The following COL4A3 variants were observed in gnomAD, a reference collection of about 807,000 sequenced individuals.
COL4A3 encodes collagen alpha-3(IV) chain.
A neutral mutation model predicts 217.4 loss-of-function variants in COL4A3; 135 were observed. The observed-to-expected ratio is 0.62, with a 90% CI of 0.54 to 0.72. The LOEUF is 0.72. Ranked by LOEUF, COL4A3 falls within the 30% of genes least tolerant of loss-of-function variation. COL4A3 has a pLI of 0.00. For synonymous variants in COL4A3, 690 were observed against 736.3 expected, an observed-to-expected ratio of 0.94 and a Z score of 1.02; for missense variants, 1,868 against 2,119.9, an observed-to-expected ratio of 0.88 and a Z score of 2.33.
At chr2:227,309,563 A>G (rs2073660305) in intron 50 of COL4A3, among the ~76,000 whole-genome samples, 1 of 152,102 alleles carries the variant, frequency 6.6e-6, no homozygotes, top group African/African-American at 2.4e-5. Context: ...TTAGGTGAAT[A>G]GTAGCTGCGT....
Position 227,237,964 on chromosome 2 carries a change from C to CT in COL4A3, c.88-3dup. The CT allele has an allele frequency of 5.6e-6, 9 of 1,608,062 alleles. No individual in the cohort carries two copies. Among genetic ancestry groups the CT allele is most frequent in the Non-Finnish European group, 7.7e-6 (9 of 1,174,806 alleles). On this transcript the variant is annotated splice_polypyrimidine_tract_variant and splice_region_variant and intron_variant, in intron 1 of 51. Coordinates refer to ENST00000396578, the MANE Select transcript of COL4A3 (RefSeq NM_000091.5). The stretch of plus-strand genomic sequence containing the variant: ...CAAAACCCTTTCTCTTTCCCTCTTC[C>CT]TAGGGTTGTGTCTGTAAAGACAAAG...
chr2:227,213,641 C>T (rs555102374), intron 1 of COL4A3, among the ~76,000 whole-genome samples: 33 of 152,090 alleles, frequency 2.2e-4, no homozygotes, highest in Non-Finnish European at 8.8e-5. Context: ...CGGTGGCTTA[C>T]GCCTGTAGTC....
intron 23 of COL4A3, among the ~76,000 whole-genome samples, chr2:227,269,073 A>C (rs1320910115): frequency 6.6e-6 from 1 of 152,202 alleles, no homozygotes; most frequent in African/African-American, 2.4e-5. Flanking sequence ...CTGAATAAAT[A>C]TGTGTTGATT....
intron 37 of COL4A3, among the ~76,000 whole-genome samples, 180 bp from the exon 38 acceptor site, chr2:227,293,011 A>C (rs2072840118): frequency 1.3e-5 from 2 of 152,200 alleles, no homozygotes; most frequent in South Asian, 4.1e-4. Context: ...TTCATTTTGC[A>C]CTGGGCCCCA....
At chr2:227,205,403 TACAA>T (rs2067063311) in intron 1 of COL4A3, among the ~76,000 whole-genome samples, 1 of 152,160 alleles carries the variant, frequency 6.6e-6, no homozygotes, top group Non-Finnish European at 1.5e-5. Context: ...CTCTGCAAGG[TACAA>T]ACATTGTGAT....
intron 1 of COL4A3, among the ~76,000 whole-genome samples, chr2:227,223,698 C>A (rs1018306172): frequency 5.9e-5 from 9 of 152,218 alleles, no homozygotes; most frequent in African/African-American, 2.2e-4. Flanking sequence ...CATGCCACTG[C>A]ACGCCAACCT....
At chr2:227,237,456 A>G (rs6746775) in intron 1 of COL4A3, among the ~76,000 whole-genome samples, 33,703 of 152,184 alleles carry the variant, frequency 0.22, 4,639 homozygotes, top group Non-Finnish European at 0.31. Context: ...AACCAAATAC[A>G]TTGTGTTCTA....
intron 1 of COL4A3, among the ~76,000 whole-genome samples, chr2:227,170,204 C>T (rs1325709293): frequency 6.6e-6 from 1 of 150,752 alleles, no homozygotes. Flanking sequence ...ATTGAATTTT[C>T]TTATTTAACA....
At chr2:227,210,167 G>C (rs1169413364) in intron 1 of COL4A3, among the ~76,000 whole-genome samples, 1 of 152,218 alleles carries the variant, frequency 6.6e-6, no homozygotes. Flanking sequence ...GTTAAATATT[G>C]TTGCAGAAAC....
In COL4A3 at chr2:227,270,862, G is replaced by A. The variant is rs766050133; in HGVS notation, c.1668G>A (p.Pro556=). The A allele has an allele frequency of 4.6e-5, 74 of 1,613,986 alleles. No individual in the cohort carries two copies. The highest frequency in any genetic ancestry group is 5.8e-5 in the Non-Finnish European group (69 of 1,180,002). The stretch of plus-strand genomic sequence containing the variant: ...GGCAAGTGGGTGTCCCAGGTGACCC[G>A]GGGCTCAGAGGCCAACCTGGGAGAA... ...PEGQVGVPGD[P]GLRGQPGRKG... is the part of the protein sequence containing the mutation. The change falls in exon 25 of 52, where the codon CCG becomes CCA. Residue 556 remains proline, a synonymous_variant. Coordinates refer to ENST00000396578, the MANE Select transcript of COL4A3 (RefSeq NM_000091.5).
chr2:227,274,812 G>A (rs1200806366), intron 26 of COL4A3, among the ~76,000 whole-genome samples: 1 of 152,096 alleles, frequency 6.6e-6, no homozygotes, highest in Admixed American at 6.6e-5. Context: ...GGAGGCTGCT[G>A]TTCTAATCCA....
chr2:227,234,450 A>G lies in COL4A3; in HGVS notation c.88-3518A>G, dbSNP rs563239707. On this transcript the variant is annotated intron_variant, in intron 1 of 51. Coordinates refer to ENST00000396578, the MANE Select transcript of COL4A3 (RefSeq NM_000091.5). ...TTTTGATCATAGTTGTTCATAATTCATACATACAGAAAATATCTGCATCAT... is the reference window on the plus strand; with the variant it reads ...TTTTGATCATAGTTGTTCATAATTCGTACATACAGAAAATATCTGCATCAT... 2.0e-5 allele frequency among the ~76,000 whole-genome samples: 3 copies of G among 152,388 alleles called. No individual in the cohort carries two copies. The East Asian group carries it at 5.8e-4, about 29-fold the overall frequency.
rs761971869 is a variant in COL4A3, at chr2:227,295,016, A to C, written c.3471A>C (p.Gln1157His). 2 of 1,613,582 alleles carry C rather than the reference A, an allele frequency of 1.2e-6. No homozygotes were observed. The highest frequency in any genetic ancestry group is 2.2e-5 in the South Asian group (2 of 91,072). ...GACCAATGGGTATAAGAGGTGACCA[A>C]GGACGTGATGGAATTCCTGGTCCAG... ...SPGPMGIRGD[Q>H]GRDGIPGPAG... is the part of the protein sequence containing the mutation. Residue 1157 changes from glutamine to histidine, a missense_variant, in exon 40 of 52, where the codon CAA becomes CAC. Gln to His is a conservative substitution (Grantham distance 24, BLOSUM62 0). This residue lies in a region of COL4A3 where 1,503 missense variants were observed against 1,786.1 expected (regional missense o/e 0.84). Coordinates refer to ENST00000396578, the MANE Select transcript of COL4A3 (RefSeq NM_000091.5).
chr2:227,169,080 C>T (rs1239274528), intron 1 of COL4A3, among the ~76,000 whole-genome samples: 3 of 149,020 alleles, frequency 2.0e-5, no homozygotes, highest in Non-Finnish European at 4.5e-5. Context: ...GTGATGTTCC[C>T]CTTCCTGTGT....
intron 1 of COL4A3, among the ~76,000 whole-genome samples, chr2:227,207,876 G>A (rs1318318496): frequency 6.6e-6 from 1 of 152,176 alleles, no homozygotes; most frequent in Non-Finnish European, 1.5e-5. Context: ...TCTGGTGAAG[G>A]GGAGGTAAAA....
At chr2:227,180,460 G>A (rs1347054545) in intron 1 of COL4A3, among the ~76,000 whole-genome samples, 1 of 152,198 alleles carries the variant, frequency 6.6e-6, no homozygotes, top group African/African-American at 2.4e-5. Context: ...AACATTCAGA[G>A]CCCATGTGAC....
chr2:227,219,957 G>C (rs1301946416), intron 1 of COL4A3, among the ~76,000 whole-genome samples: 1 of 152,032 alleles, frequency 6.6e-6, no homozygotes, highest in East Asian at 1.9e-4. Context: ...ATCTCGACCT[G>C]TAGGAAGTCC....
intron 2 of COL4A3, among the ~76,000 whole-genome samples, chr2:227,239,604 G>A (rs576140126): frequency 1.1e-4 from 16 of 152,134 alleles, no homozygotes; most frequent in African/African-American, 3.9e-4. Flanking sequence ...CACCTTTTTG[G>A]TTATGCCACC....
intron 1 of COL4A3, 36 bp from the exon 2 acceptor site, chr2:227,237,932 T>G (rs765153208): frequency 1.3e-6 from 2 of 1,527,764 alleles, no homozygotes; most frequent in Non-Finnish European, 1.8e-6. Context: ...ATTCAGCTGT[T>G]TCTAAACAAA....
Sources: allele counts gnomAD v4.1 joint callset (sites outside exome capture counted in the v4.1 genomes callset), GRCh38; gene constraint gnomAD v4.1.1; regional missense constraint gnomAD v4.1.1; transcripts MANE v1.5; gene names NCBI Gene and HGNC (gene_info 2026-07-23, HGNC 2026-07-21).